The following PEX3 variants were observed in gnomAD, a reference collection of about 807,000 sequenced individuals.
PEX3 encodes peroxisomal biogenesis factor 3, also known as peroxin-3.
In PEX3, 30 loss-of-function variants were observed where a neutral mutation model predicts 55.8. The observed-to-expected ratio is 0.54, with a 90% CI of 0.40 to 0.73. The LOEUF (loss-of-function observed/expected upper bound fraction) is 0.73. Among genes scored for constraint, PEX3 ranks in the 30% least tolerant of loss-of-function variants. The probability of loss-of-function intolerance (pLI) is 0.00; values close to 1 mark genes in which losing one functional copy is unlikely to be tolerated. For missense variants in PEX3, 351 were observed against 432.8 expected (o/e 0.81, Z 1.68); for synonymous variants, 135 against 148.4 (o/e 0.91, Z 0.66).
In PEX3 at chr6:143,466,083, T is replaced by C. The variant is rs1375570323; in HGVS notation, c.288-2039T>C. ...ACTAGTGGTTTGAAAAGCACTAAACTACCTCCACATAGTACATCCATACAA... is the reference window on the plus strand; with the variant it reads ...ACTAGTGGTTTGAAAAGCACTAAACCACCTCCACATAGTACATCCATACAA... On this transcript the variant is annotated intron_variant, in intron 3 of 11. Coordinates refer to ENST00000367591, the MANE Select transcript of PEX3 (RefSeq NM_003630.3). This position sits in a 1 kb window ranked among gnomAD's most constrained non-coding sequence, Gnocchi z 5.4. 1.3e-5 allele frequency among the ~76,000 whole-genome samples: 2 copies of C among 152,082 alleles called. No homozygotes were observed. Among genetic ancestry groups the C allele is most frequent in the African/African-American group, 2.4e-5 (1 of 41,448 alleles).
intron 1 of PEX3, among the ~76,000 whole-genome samples, chr6:143,456,707 A>G (rs1779849888): frequency 2.0e-5 from 3 of 152,276 alleles, no homozygotes; most frequent in South Asian, 4.1e-4. Flanking sequence ...GACCCACCCT[A>G]ATGACCTCAT....
rs1780322406 is a variant in PEX3 at position 143,486,298 on chromosome 6, C to G, written c.1038+1050C>G. Among the ~76,000 whole-genome samples the G allele has an allele frequency of 6.6e-6, 1 of 152,102 alleles. No individual in the cohort carries two copies. The highest frequency in any genetic ancestry group is 1.5e-5 in the Non-Finnish European group (1 of 68,004). ...ATAACTTGGGGCATTTAAACCTTAC[C>G]TTTACCTTTGTCCTCTTCTGTAGAA... On this transcript the variant is annotated intron_variant, in intron 11 of 11. Coordinates refer to ENST00000367591, the MANE Select transcript of PEX3 (RefSeq NM_003630.3). The surrounding 1 kb of genome is among the most constrained non-coding windows in gnomAD (Gnocchi z 5.0).
rs1017601216 is a variant in PEX3 at position 143,459,775 on chromosome 6, A to G, written c.205+559A>G. On this transcript the variant is annotated intron_variant, in intron 2 of 11. Transcript: ENST00000367591. This position sits in a 1 kb window ranked among gnomAD's most constrained non-coding sequence, Gnocchi z 4.2. ...TGGCAGTGATAGGAAACAAGGCTGC[A>G]GAAGTAGGCTTGATCCCATCGGGCC... Among the ~76,000 whole-genome samples the G allele has an allele frequency of 1.4e-4, 22 of 152,364 alleles. No homozygotes were observed. Among genetic ancestry groups the G allele is most frequent in the African/African-American group, 5.0e-4 (21 of 41,590 alleles).
chr6:143,464,711 G>C lies in PEX3; in HGVS notation c.287+1714G>C, dbSNP rs80247520. On this transcript the variant is annotated intron_variant, in intron 3 of 11. Transcript: ENST00000367591. This position sits in a 1 kb window ranked among gnomAD's most constrained non-coding sequence, Gnocchi z 5.8. ...TTGAAATTACTATTTGTAATTTGGT[G>C]GGGGGAGAAGGGTAATATCCATTTG... 0.038 allele frequency among the ~76,000 whole-genome samples: 5,715 copies of C among 151,714 alleles called. 357 individuals carry two copies. The highest frequency in any genetic ancestry group is 0.13 in the African/African-American group (5,364 of 41,408).
At chr6:143,472,438 A>ATG in intron 8 of PEX3, 110 bp downstream of exon 8, 1 of 779,836 alleles carries the variant, frequency 1.3e-6, no homozygotes, top group South Asian at 1.5e-5. Flanking sequence ...ATTGAAAAGC[A>ATG]TATATTTCAG....
At chr6:143,452,604 G>C (rs1755914894) in intron 1 of PEX3, among the ~76,000 whole-genome samples, 1 of 152,050 alleles carries the variant, frequency 6.6e-6, no homozygotes, top group Non-Finnish European at 1.5e-5. Context: ...GAGCTTTATA[G>C]TTACAGAATA....
intron 9 of PEX3, among the ~76,000 whole-genome samples, chr6:143,478,173 A>T (rs1008839906): frequency 6.6e-6 from 1 of 152,168 alleles, no homozygotes; most frequent in African/African-American, 2.4e-5. Context: ...GACACAAAAG[A>T]CCACATATGT....
rs541739066 is a variant in PEX3 at position 143,458,655 on chromosome 6, G to A, written c.74-430G>A. 1.3e-5 allele frequency among the ~76,000 whole-genome samples: 2 copies of A among 151,896 alleles called. No individual in the cohort carries two copies. The highest frequency in any genetic ancestry group is 2.9e-5 in the Non-Finnish European group (2 of 67,936). On this transcript the variant is annotated intron_variant, in intron 1 of 11. Coordinates refer to ENST00000367591, the MANE Select transcript of PEX3 (RefSeq NM_003630.3). The surrounding 1 kb of genome is among the most constrained non-coding windows in gnomAD (Gnocchi z 6.1). ...CCATTAAAAAAAGTAACATTTCTGG[G>A]ATCTTATTTTATCACCTAACAGTAT...
chr6:143,471,340 G>T lies in PEX3; in HGVS notation c.457-43G>T. The T allele has an allele frequency of 7.2e-7, 1 of 1,392,150 alleles. No individual in the cohort carries two copies. Among genetic ancestry groups the T allele is most frequent in the Non-Finnish European group, 1.0e-6 (1 of 980,188 alleles). The allele number at this position is 1,392,150 out of a possible 1,614,324, so 86.2% of individuals were successfully genotyped here. A position where few individuals can be genotyped will look rare whatever the true frequency, so the allele number is the denominator to read the frequency against. ...TATTGAAAACATTTCTTATTTACCA[G>T]TTTAAAACTTGGATAATTGAACTGT... is the stretch of plus-strand genomic sequence containing the variant. On this transcript the variant is annotated intron_variant, in intron 5 of 11. Transcript: ENST00000367591. The surrounding 1 kb of genome is among the most constrained non-coding windows in gnomAD (Gnocchi z 5.4).
At position 143,489,834 on chromosome 6, in the gene PEX3, G is replaced by C. The variant is rs1780364847; in HGVS notation, c.*608G>C. ...CTATTTCTTCACTATATTTTTTAAG[G>C]TTTTATTAAAAAGCCTTAGAAAGTT... On this transcript the variant is annotated 3_prime_UTR_variant, in exon 12 of 12. Transcript: ENST00000367591. This position sits in a 1 kb window ranked among gnomAD's most constrained non-coding sequence, Gnocchi z 5.5. The C allele has an allele frequency of 6.6e-6, 1 of 151,814 alleles. No homozygotes were observed. The highest frequency in any genetic ancestry group is 2.4e-5 in the African/African-American group (1 of 41,352). The allele number at this position is 151,814 out of a possible 1,614,324, so 9.4% of individuals were successfully genotyped here. A position where few individuals can be genotyped will look rare whatever the true frequency, so the allele number is the denominator to read the frequency against.
rs1780255073 is a variant in PEX3, at chr6:143,482,478, A to T, written c.942-2674A>T. On this transcript the variant is annotated intron_variant, in intron 10 of 11. Transcript: ENST00000367591. This position sits in a 1 kb window ranked among gnomAD's most constrained non-coding sequence, Gnocchi z 5.5. The stretch of plus-strand genomic sequence containing the variant: ...ATAATCAAAATATTATCAAAATTCT[A>T]TTGGAGATTGGAGGATGGTTGATTT... Among the ~76,000 whole-genome samples the T allele has an allele frequency of 6.6e-6, 1 of 152,066 alleles. No homozygotes were observed. Among genetic ancestry groups the T allele is most frequent in the African/African-American group, 2.4e-5 (1 of 41,438 alleles).
At position 143,485,218 on chromosome 6, in the gene PEX3, T is replaced by C. The variant is rs141932856; in HGVS notation, c.1008T>C (p.Val336=). The C allele has an allele frequency of 2.1e-4, 342 of 1,603,870 alleles. 1 individual carries two copies. The African/African-American group carries it at 4.1e-3, about 19-fold the overall frequency. The part of the protein sequence containing the change: ...IPIVNGQIHS[V]CSETPSHFVQ... Reference sequence around the variant, plus strand: ...TAGTAAACGGACAGATCCATTCAGTTTGCAGTGAAACACCTAGTCATTTTG... The same window carrying C: ...TAGTAAACGGACAGATCCATTCAGTCTGCAGTGAAACACCTAGTCATTTTG... The change falls in exon 11 of 12, where the codon GTT becomes GTC. Residue 336 remains valine, a synonymous_variant. Coordinates refer to ENST00000367591, the MANE Select transcript of PEX3 (RefSeq NM_003630.3). This position sits in a 1 kb window ranked among gnomAD's most constrained non-coding sequence, Gnocchi z 5.6.
Position 143,453,547 on chromosome 6 carries a change from G to A in PEX3, c.73+2432G>A, listed in dbSNP as rs1027141869. On this transcript the variant is annotated intron_variant, in intron 1 of 11. Transcript: ENST00000367591. This position sits in a 1 kb window ranked among gnomAD's most constrained non-coding sequence, Gnocchi z 4.6. Reference sequence around the variant, plus strand: ...GACAGGATCTTGCTCTGTTACCCACGCTAGAATACAATGGTGTGATCGTAG... The same window carrying A: ...GACAGGATCTTGCTCTGTTACCCACACTAGAATACAATGGTGTGATCGTAG... Among the ~76,000 whole-genome samples, 1 of 151,890 alleles carries A rather than the reference G, an allele frequency of 6.6e-6. No individual in the cohort carries two copies. Among genetic ancestry groups the A allele is most frequent in the South Asian group, 2.1e-4 (1 of 4,804 alleles).
chr6:143,472,553 T>G (rs554240154), intron 8 of PEX3, among the ~76,000 whole-genome samples: 6 of 152,264 alleles, frequency 3.9e-5, no homozygotes, highest in African/African-American at 1.4e-4. Flanking sequence ...TATTATCAGG[T>G]ATGTGACAGT....
chr6:143,477,518 T>C (rs571232405), intron 9 of PEX3, among the ~76,000 whole-genome samples: 2 of 152,168 alleles, frequency 1.3e-5, no homozygotes, highest in South Asian at 4.2e-4. Flanking sequence ...AGGAGTCAGG[T>C]AGGGATGGCT....
chr6:143,451,252 G>A lies in PEX3; in HGVS notation c.73+137G>A, dbSNP rs1205931098. 2.7e-6 allele frequency: 2 copies of A among 730,918 alleles called. No individual in the cohort carries two copies. The highest frequency in any genetic ancestry group is 3.0e-5 in the South Asian group (2 of 67,624). The allele number at this position is 730,918 out of a possible 1,614,324, so 45.3% of individuals were successfully genotyped here. ...TTCGATCAACCATGGGATGAAAAGG[G>A]AGGTGGCCAACCTCCAGGGTTCTCC... On this transcript the variant is annotated intron_variant, in intron 1 of 11. Transcript: ENST00000367591. This position sits in a 1 kb window ranked among gnomAD's most constrained non-coding sequence, Gnocchi z 4.1.
chr6:143,450,847 A>G lies in PEX3; in HGVS notation c.-196A>G, dbSNP rs1779747525. 2.6e-6 allele frequency: 2 copies of G among 757,526 alleles called. No homozygotes were observed. The highest frequency in any genetic ancestry group is 4.5e-6 in the Non-Finnish European group (2 of 441,530). The allele number at this position is 757,526 out of a possible 1,614,324, so 46.9% of individuals were successfully genotyped here. A position where few individuals can be genotyped will look rare whatever the true frequency, so the allele number is the denominator to read the frequency against. On this transcript the variant is annotated 5_prime_UTR_variant, in exon 1 of 12. Coordinates refer to ENST00000367591, the MANE Select transcript of PEX3 (RefSeq NM_003630.3). ...GCGCGGCGGCAGCGGCAGAAAGCGTAGCTGCTTTGCTGTAGTCCACGCCCC... is the reference window on the plus strand; with the variant it reads ...GCGCGGCGGCAGCGGCAGAAAGCGTGGCTGCTTTGCTGTAGTCCACGCCCC...
rs1394440905 is a variant in PEX3 at position 143,474,817 on chromosome 6, C to T, written c.779C>T (p.Thr260Ile). Residue 260 changes from threonine (T) to isoleucine (I), a missense_variant, in exon 9 of 12, where the codon ACT becomes ATT. By Grantham distance (89) the Thr-to-Ile change is moderately conservative (BLOSUM62 -1). Coordinates refer to ENST00000367591, the MANE Select transcript of PEX3 (RefSeq NM_003630.3). Reference protein sequence around the residue: ...ACGLSPRDITTIKLLNETRDM... With the variant: ...ACGLSPRDITIIKLLNETRDM... ...GGACTTTCTCCTCGAGACATTACCA[C>T]TATTAAACTTCTCAATGAAACTAGA... 6.3e-7 allele frequency: 1 copy of T among 1,595,532 alleles called. No homozygotes were observed. Among genetic ancestry groups the T allele is most frequent in the Admixed American group, 1.7e-5 (1 of 60,002 alleles).
intron 10 of PEX3, among the ~76,000 whole-genome samples, chr6:143,484,285 G>A (rs188635577): frequency 2.1e-4 from 32 of 152,160 alleles, no homozygotes; most frequent in African/African-American, 7.7e-4. Context: ...AGTTATTGCT[G>A]TAGTCCAGGC....
Sources: allele counts gnomAD v4.1 joint callset (sites outside exome capture counted in the v4.1 genomes callset), GRCh38; gene constraint gnomAD v4.1.1; non-coding constraint Gnocchi (gnomAD v3.1); transcripts MANE v1.5; gene names NCBI Gene and HGNC (gene_info 2026-07-23, HGNC 2026-07-21).